HS1BP3: variants seen among roughly 807,000 people sequenced by gnomAD.
HS1BP3 encodes the protein HCLS1-binding protein 3.
Under a neutral mutation model 33.5 loss-of-function variants are expected in HS1BP3, and 32 were observed. That is an observed-to-expected ratio of 0.95 (90% CI 0.72 to 1.28). The LOEUF is 1.28. HS1BP3 is among the 50% of genes most tolerant of loss of function. The pLI, the probability that HS1BP3 is intolerant of heterozygous loss-of-function variation, is 0.00. For missense variants in HS1BP3, 486 were observed against 502.3 expected (o/e 0.97, Z 0.31); for synonymous variants, 187 against 209.2 (o/e 0.89, Z 0.92).
intron 2 of HS1BP3, among the ~76,000 whole-genome samples, chr2:20,644,202 A>G (rs926285615): frequency 6.6e-6 from 1 of 152,022 alleles, no homozygotes; most frequent in Admixed American, 6.6e-5. Flanking sequence ...TGAGTGTGTG[A>G]TCTCAACCCT....
downstream of HS1BP3, among the ~76,000 whole-genome samples, chr2:20,614,554 T>G (rs146662570): frequency 5.5e-4 from 84 of 152,162 alleles, no homozygotes; most frequent in Non-Finnish European, 1.1e-3. Context: ...ATGGCTCAAG[T>G]TTTTTCATCT....
downstream of HS1BP3, chr2:20,590,962 C>T (rs1693798117): frequency 6.0e-6 from 1 of 167,258 alleles, no homozygotes; most frequent in Non-Finnish European, 1.5e-5. Flanking sequence ...CATCTCCCTA[C>T]CTCCCTGCCC....
At chr2:20,575,288 C>T (rs1426820734) in intron 5 of HS1BP3, among the ~76,000 whole-genome samples, 1 of 152,212 alleles carries the variant, frequency 6.6e-6, no homozygotes, top group Non-Finnish European at 1.5e-5. Context: ...TGAATCAGGG[C>T]CGCAGCCTGG....
chr2:20,576,062 C>T (rs1372920125), intron 5 of HS1BP3, among the ~76,000 whole-genome samples: 2 of 152,092 alleles, frequency 1.3e-5, no homozygotes, highest in Non-Finnish European at 2.9e-5. Context: ...GACCGCAGCT[C>T]ACTGCAACCT....
chr2:20,641,875 C>T (rs1279968479), intron 2 of HS1BP3, among the ~76,000 whole-genome samples: 7 of 152,216 alleles, frequency 4.6e-5, no homozygotes, highest in Admixed American at 2.6e-4. Flanking sequence ...GCCTTCACCC[C>T]TTCACTCACG....
chr2:20,571,941 C>A (rs1438991503), intron 5 of HS1BP3, among the ~76,000 whole-genome samples: 1 of 152,236 alleles, frequency 6.6e-6, no homozygotes. Flanking sequence ...GGAGATTCCC[C>A]CTTCTCTCAG....
downstream of HS1BP3, among the ~76,000 whole-genome samples, chr2:20,614,196 A>G (rs1022013686): frequency 2.6e-5 from 4 of 152,206 alleles, no homozygotes; most frequent in African/African-American, 9.6e-5. Flanking sequence ...AGCCAGGACA[A>G]AACAAAGTAG....
At chr2:20,622,740 G>A (rs143851838) in intron 6 of HS1BP3, 1 of 174,758 alleles carries the variant, frequency 5.7e-6, no homozygotes, top group African/African-American at 2.3e-5. Flanking sequence ...GCAGACTCTA[G>A]TATTTCATTT....
At chr2:20,633,802 C>T (rs968561367) in intron 4 of HS1BP3, among the ~76,000 whole-genome samples, 5 of 152,238 alleles carry the variant, frequency 3.3e-5, no homozygotes, top group South Asian at 2.1e-4. Context: ...GGATTACAGG[C>T]GTGAGCTGCT....
downstream of HS1BP3, among the ~76,000 whole-genome samples, chr2:20,616,367 C>T (rs1344140351): frequency 1.3e-5 from 2 of 152,208 alleles, no homozygotes; most frequent in East Asian, 3.9e-4. Context: ...ACAGAACTCT[C>T]TACTTCAGCA....
chr2:20,614,589 C>T (rs935113172), downstream of HS1BP3, among the ~76,000 whole-genome samples: 7 of 152,220 alleles, frequency 4.6e-5, no homozygotes, highest in African/African-American at 1.7e-4. Context: ...TTGCCTGGAA[C>T]AGGTACTGCA....
chr2:20,561,265 C>T (rs915329227), intron 5 of HS1BP3, among the ~76,000 whole-genome samples: 1 of 152,220 alleles, frequency 6.6e-6, no homozygotes, highest in Non-Finnish European at 1.5e-5. Flanking sequence ...ATCCCTTTCT[C>T]CCACTGCATG....
rs988160769 is a variant in HS1BP3, at chr2:20,611,317, G to A, written c.178+12579C>T. On this transcript the variant is annotated intron_variant, in intron 2 of 3. Transcript: ENST00000415264. The surrounding 1 kb of genome is among the most constrained non-coding windows in gnomAD (Gnocchi z 4.9). The stretch of plus-strand genomic sequence containing the variant: ...GCTTCTTTTCGAAGGAAGGGGGAAC[G>A]CTGGCTCACTCCCTCCCAAAGTGAT... 2.0e-5 allele frequency among the ~76,000 whole-genome samples: 3 copies of A among 152,288 alleles called. No homozygotes were observed. The highest frequency in any genetic ancestry group is 7.2e-5 in the African/African-American group (3 of 41,550).
At chr2:20,620,561 C>T (rs753401403) in intron 6 of HS1BP3, among the ~76,000 whole-genome samples, 32 of 152,194 alleles carry the variant, frequency 2.1e-4, no homozygotes, top group Admixed American at 1.6e-3. Flanking sequence ...CACTGCTGCA[C>T]GGAACTGTAC....
At chr2:20,571,309 G>T (rs1420634048) in intron 5 of HS1BP3, among the ~76,000 whole-genome samples, 1 of 152,084 alleles carries the variant, frequency 6.6e-6, no homozygotes, top group Non-Finnish European at 1.5e-5. Context: ...CAAGCTCTAG[G>T]CTGGGGACCC....
Position 20,619,175 on chromosome 2 carries a change from TG to T in HS1BP3, c.990del (p.Lys331SerfsTer9). On this transcript the variant is annotated frameshift_variant, in exon 7 of 7. Transcript: ENST00000304031. LOFTEE classifies it low-confidence loss of function (END_TRUNC). ...AEPKPKPQLK[P>X]KPPVAAKPVI... ...ACCGGCTTAGCTGCCACTGGTGGCT[TG>T]GGCTTAAGCTGGGGCTTGGGTTTGG... is the stretch of plus-strand genomic sequence containing the variant. 4.3e-6 allele frequency: 7 copies of T among 1,614,124 alleles called. No homozygotes were observed. The highest frequency in any genetic ancestry group is 5.1e-6 in the Non-Finnish European group (6 of 1,179,988).
chr2:20,617,799 G>C (rs554646740), downstream of HS1BP3: 1 of 152,594 alleles, frequency 6.6e-6, no homozygotes, highest in African/African-American at 2.4e-5. Flanking sequence ...TGAACATGAA[G>C]AATTATATCC....
At chr2:20,624,710 C>T (rs201263661) in intron 5 of HS1BP3, 22 bp downstream of exon 5, 2 of 1,563,426 alleles carry the variant, frequency 1.3e-6, no homozygotes, top group South Asian at 2.3e-5. Flanking sequence ...ACACCAGGAG[C>T]AGACCATGGG....
intron 5 of HS1BP3, among the ~76,000 whole-genome samples, chr2:20,583,829 T>C (rs1693618153): frequency 1.3e-5 from 2 of 152,180 alleles, no homozygotes; most frequent in Non-Finnish European, 2.9e-5. Flanking sequence ...GTCAGGGTCA[T>C]GGTCTCCCTG....
Sources: allele counts gnomAD v4.1 joint callset (sites outside exome capture counted in the v4.1 genomes callset), GRCh38; gene constraint gnomAD v4.1.1; non-coding constraint Gnocchi (gnomAD v3.1); transcripts MANE v1.5; gene names NCBI Gene and HGNC (gene_info 2026-07-23, HGNC 2026-07-21).